The following SDK2 variants were observed in gnomAD, a reference collection of about 807,000 sequenced individuals.
SDK2 encodes the protein protein sidekick-2.
In SDK2, 105 loss-of-function variants were observed where a neutral mutation model predicts 253.9. The observed-to-expected ratio is 0.41, with a 90% CI of 0.35 to 0.49. The LOEUF (loss-of-function observed/expected upper bound fraction) is 0.49. Among genes scored for constraint, SDK2 ranks in the 20% least tolerant of loss-of-function variants. The probability of loss-of-function intolerance (pLI) is 0.06; values close to 1 mark genes in which losing one functional copy is unlikely to be tolerated. For synonymous variants in SDK2, 1,249 were observed against 1,234.9 expected (o/e 1.01, Z -0.24); for missense variants, 2,608 against 3,003.0 (o/e 0.87, Z 3.07).
At chr17:73,349,951 A>G (rs913338117) in intron 43 of SDK2, among the ~76,000 whole-genome samples, 1 of 152,044 alleles carries the variant, frequency 6.6e-6, no homozygotes, top group African/African-American at 2.4e-5. Flanking sequence ...TTTGCATTCT[A>G]CTGTCACTGT....
Position 73,380,861 on chromosome 17 carries a change from C to T in SDK2, c.4762+33G>A, listed in dbSNP as rs754297993. 34 of 1,550,060 alleles carry T rather than the reference C, an allele frequency of 2.2e-5. No individual in the cohort carries two copies. The South Asian group carries it at 3.8e-4, about 17-fold the overall frequency. ...CTCCCAATCCCCTGCGAGGCCTGGG[C>T]CCGCGATGAAGCCACCATGCAAGGA... On this transcript the variant is annotated intron_variant, in intron 34 of 44. Coordinates refer to ENST00000392650, the MANE Select transcript of SDK2 (RefSeq NM_001144952.2).
At chr17:73,610,811 T>G (rs1438822111) in intron 1 of SDK2, among the ~76,000 whole-genome samples, 1 of 151,920 alleles carries the variant, frequency 6.6e-6, no homozygotes, top group South Asian at 2.1e-4. Context: ...TGTGTACAAG[T>G]GGAGGAGTGT....
chr17:73,494,442 T>C (rs183774750), intron 2 of SDK2, among the ~76,000 whole-genome samples: 3 of 152,234 alleles, frequency 2.0e-5, no homozygotes, highest in Admixed American at 2.0e-4. Flanking sequence ...ATCGTCCATC[T>C]CCAGCTTCCT....
In SDK2 at chr17:73,523,320, G is replaced by A. The variant is rs2064098443; in HGVS notation, c.65-15723C>T. Among the ~76,000 whole-genome samples, 4 of 151,926 alleles carry A rather than the reference G, an allele frequency of 2.6e-5. No homozygotes were observed. The South Asian group carries it at 6.3e-4, about 24-fold the overall frequency. On this transcript the variant is annotated intron_variant, in intron 1 of 44. Coordinates refer to ENST00000392650, the MANE Select transcript of SDK2 (RefSeq NM_001144952.2). ...TCTTGATGAGGGGAGGGCTGGTGCTGTGGAATGCTCTTCATGGACTTCTGC... is the reference window on the plus strand; with the variant it reads ...TCTTGATGAGGGGAGGGCTGGTGCTATGGAATGCTCTTCATGGACTTCTGC...
intron 1 of SDK2, among the ~76,000 whole-genome samples, chr17:73,525,028 A>G (rs2064114214): frequency 6.6e-6 from 1 of 152,194 alleles, no homozygotes; most frequent in Admixed American, 6.5e-5. Flanking sequence ...TCACCTTCCT[A>G]GGCCTGTGTG....
chr17:73,355,174 A>ATATTTTTTTTTTTT, intron 40 of SDK2, among the ~76,000 whole-genome samples: 7 of 47,238 alleles, frequency 1.5e-4, no homozygotes, highest in Non-Finnish European at 2.4e-4. Context: ...ATATATATAT[A>ATATTTTTTTTTTTT]TTTTTTTTTT....
intron 3 of SDK2, among the ~76,000 whole-genome samples, chr17:73,466,557 T>C (rs1293316883): frequency 1.3e-5 from 2 of 152,192 alleles, no homozygotes; most frequent in Non-Finnish European, 2.9e-5. Flanking sequence ...ACTGGAACTG[T>C]GGGTTATTCT....
intron 1 of SDK2, among the ~76,000 whole-genome samples, chr17:73,538,026 T>A (rs2044806773): frequency 6.6e-6 from 1 of 152,206 alleles, no homozygotes; most frequent in Admixed American, 6.5e-5. Context: ...ATTTCCATTC[T>A]GCAGATGGTA....
intron 6 of SDK2, among the ~76,000 whole-genome samples, chr17:73,438,501 T>C (rs1304613358): frequency 6.6e-6 from 1 of 152,188 alleles, no homozygotes; most frequent in African/African-American, 2.4e-5. Context: ...CAGCTCTTTT[T>C]TCTGGTCTTC....
At chr17:73,437,028 C>A (rs2063375340) in intron 8 of SDK2, among the ~76,000 whole-genome samples, 2 of 152,130 alleles carry the variant, frequency 1.3e-5, no homozygotes, top group African/African-American at 4.8e-5. Context: ...ACATGGTAAG[C>A]CCTCAAAAAA....
chr17:73,591,846 G>A (rs74722667), intron 1 of SDK2, among the ~76,000 whole-genome samples: 2,046 of 152,210 alleles, frequency 0.013, 55 homozygotes, highest in African/African-American at 0.048. Context: ...GCCATCACGC[G>A]GCTGTCAGGA....
intron 37 of SDK2, 60 bp downstream of exon 37, chr17:73,368,347 T>A: frequency 1.5e-6 from 2 of 1,344,890 alleles, no homozygotes; most frequent in Non-Finnish European, 1.9e-6. Context: ...GCCAGGTAGG[T>A]CCTCTTGCAA....
chr17:73,435,733 A>G lies in SDK2; in HGVS notation c.1001-89T>C. Reference sequence around the variant, plus strand: ...GCTTGGGAGGAGGCCGGGCCCGGAAATCTGCGAGGGGGTCCCTGGTGAATC... The same window carrying G: ...GCTTGGGAGGAGGCCGGGCCCGGAAGTCTGCGAGGGGGTCCCTGGTGAATC... On this transcript the variant is annotated intron_variant, in intron 8 of 44. Transcript: ENST00000392650. This position sits in a 1 kb window ranked among gnomAD's most constrained non-coding sequence, Gnocchi z 5.7. 8.2e-7 allele frequency: 1 copy of G among 1,218,366 alleles called. No homozygotes were observed. The highest frequency in any genetic ancestry group is 1.5e-5 in the South Asian group (1 of 65,754). 75.5% of individuals were successfully genotyped at this position (1,218,366 alleles called of 1,614,324 possible). A position where few individuals can be genotyped will look rare whatever the true frequency, so the allele number is the denominator to read the frequency against.
At chr17:73,566,912 T>G (rs1283678770) in intron 1 of SDK2, among the ~76,000 whole-genome samples, 1 of 150,976 alleles carries the variant, frequency 6.6e-6, no homozygotes, top group Non-Finnish European at 1.5e-5. Flanking sequence ...CTTAGAAAAT[T>G]TCCAGCTTGG....
chr17:73,587,395 C>T (rs1370764974), intron 1 of SDK2, among the ~76,000 whole-genome samples: 1 of 152,238 alleles, frequency 6.6e-6, no homozygotes, highest in Non-Finnish European at 1.5e-5. Flanking sequence ...TAACTTTGAG[C>T]CAATACCAAC....
At chr17:73,608,403 G>A (rs538203286) in intron 1 of SDK2, among the ~76,000 whole-genome samples, 38 of 152,230 alleles carry the variant, frequency 2.5e-4, no homozygotes, top group African/African-American at 8.7e-4. Context: ...TGGGGAGACA[G>A]GGTTTGCTAC....
In SDK2 at chr17:73,435,419, C is replaced by T. The variant is rs1347672165; in HGVS notation, c.1195+31G>A. ...AAGCTGCGTCCTGGGAAGAGGGGCT[C>T]ACGGGCAGCACAAGGGAAGGCCCAA... is the stretch of plus-strand genomic sequence containing the variant. On this transcript the variant is annotated intron_variant, in intron 9 of 44. Coordinates refer to ENST00000392650, the MANE Select transcript of SDK2 (RefSeq NM_001144952.2). This position sits in a 1 kb window ranked among gnomAD's most constrained non-coding sequence, Gnocchi z 5.7. 1 of 1,550,252 alleles carries T rather than the reference C, an allele frequency of 6.5e-7. No homozygotes were observed. The highest frequency in any genetic ancestry group is 1.2e-5 in the South Asian group (1 of 82,154).
At chr17:73,536,944 A>G (rs1021451402) in intron 1 of SDK2, among the ~76,000 whole-genome samples, 1 of 152,184 alleles carries the variant, frequency 6.6e-6, no homozygotes, top group East Asian at 1.9e-4. Context: ...ATAATGGGTC[A>G]GGGAGGCCTT....
At chr17:73,498,656 A>G (rs1434260331) in intron 2 of SDK2, among the ~76,000 whole-genome samples, 2 of 152,232 alleles carry the variant, frequency 1.3e-5, no homozygotes, top group African/African-American at 2.4e-5. Context: ...TGTGTTCCTC[A>G]TGTATCAAGA....
Sources: allele counts gnomAD v4.1 joint callset (sites outside exome capture counted in the v4.1 genomes callset), GRCh38; gene constraint gnomAD v4.1.1; non-coding constraint Gnocchi (gnomAD v3.1); transcripts MANE v1.5; gene names NCBI Gene and HGNC (gene_info 2026-07-23, HGNC 2026-07-21).